Variants in CSMD3 observed in about 807,000 individuals in gnomAD.
The protein encoded by CSMD3 is CUB and sushi domain-containing protein 3.
A neutral mutation model predicts 435.2 loss-of-function variants in CSMD3; 177 were observed. That is an observed-to-expected ratio of 0.41 (90% confidence interval 0.36 to 0.46). CSMD3 has a LOEUF of 0.46. Ranked by LOEUF, CSMD3 falls within the 20% of genes least tolerant of loss-of-function variation. The pLI, the probability that CSMD3 is intolerant of heterozygous loss-of-function variation, is 0.34. For synonymous variants in CSMD3, 1,656 were observed against 1,520.5 expected, an observed-to-expected ratio of 1.09 and a Z score of -2.07; for missense variants, 4,265 against 4,504.6, an observed-to-expected ratio of 0.95 and a Z score of 1.52.
intron 67 of CSMD3, among the ~76,000 whole-genome samples, chr8:112,235,816 T>A (rs527609387): frequency 3.9e-5 from 6 of 152,176 alleles, no homozygotes; most frequent in East Asian, 3.9e-4. Flanking sequence ...ATTGCTACAA[T>A]TGGTTTATAT....
intron 24 of CSMD3, among the ~76,000 whole-genome samples, chr8:112,562,781 T>C (rs1828744883): frequency 1.3e-5 from 2 of 151,732 alleles, no homozygotes; most frequent in Admixed American, 1.3e-4. Flanking sequence ...TATTTTAAAA[T>C]TCTTTATATT....
chr8:112,390,320 A>G (rs752100272), intron 36 of CSMD3, among the ~76,000 whole-genome samples: 8 of 152,176 alleles, frequency 5.3e-5, no homozygotes, highest in Non-Finnish European at 1.2e-4. Flanking sequence ...GAAGGTGTCT[A>G]AGAACTAAAA....
chr8:113,086,780 C>A lies in CSMD3; in HGVS notation c.917+11976G>T, dbSNP rs913839088. Among the ~76,000 whole-genome samples, 2 of 152,054 alleles carry A rather than the reference C, an allele frequency of 1.3e-5. 1 individual carries two copies. The highest frequency in any genetic ancestry group is 2.9e-5 in the Non-Finnish European group (2 of 68,000). ...TGAGTTATATTCTAATCCTCTTTAGCAAATTGGTACTATGATCTGTATTTT... is the reference window on the plus strand; with the variant it reads ...TGAGTTATATTCTAATCCTCTTTAGAAAATTGGTACTATGATCTGTATTTT... On this transcript the variant is annotated intron_variant, in intron 5 of 70. Coordinates refer to ENST00000297405, the MANE Select transcript of CSMD3 (RefSeq NM_198123.2).
intron 9 of CSMD3, among the ~76,000 whole-genome samples, chr8:112,937,357 T>TG (rs1204000801): frequency 2.0e-5 from 3 of 150,400 alleles, no homozygotes; most frequent in African/African-American, 4.9e-5. Context: ...ATAATGTTTT[T>TG]TTTTTTTTTT....
chr8:112,569,758 A>G (rs1213774570), intron 24 of CSMD3, among the ~76,000 whole-genome samples: 1 of 152,148 alleles, frequency 6.6e-6, no homozygotes, highest in African/African-American at 2.4e-5. Context: ...ATTAATCTGA[A>G]TTAGATTATT....
chr8:113,011,842 T>C (rs2086266354), intron 6 of CSMD3, among the ~76,000 whole-genome samples: 1 of 151,818 alleles, frequency 6.6e-6, no homozygotes, highest in Non-Finnish European at 1.5e-5. Flanking sequence ...AGATAGATCA[T>C]TTTGATTATT....
At position 112,886,890 on chromosome 8, in the gene CSMD3, A is replaced by G. The variant is rs750215761; in HGVS notation, c.1634-27624T>C. 3.4e-4 allele frequency among the ~76,000 whole-genome samples: 51 copies of G among 151,744 alleles called. No individual in the cohort carries two copies. The Middle Eastern group carries it at 0.014, about 40-fold the overall frequency. The stretch of plus-strand genomic sequence containing the variant: ...ATTGTTATACTCTCTTGGTTTTTAA[A>G]TATGTATTATTTTTATTATTACATA... On this transcript the variant is annotated intron_variant, in intron 10 of 70. Coordinates refer to ENST00000297405, the MANE Select transcript of CSMD3 (RefSeq NM_198123.2).
intron 1 of CSMD3, among the ~76,000 whole-genome samples, chr8:113,399,078 CAT>C (rs764141337): frequency 0.018 from 1,646 of 90,770 alleles, 34 homozygotes; most frequent in African/African-American, 0.058. Context: ...AAGGATAGTT[CAT>C]ATATATATAT....
intron 3 of CSMD3, among the ~76,000 whole-genome samples, chr8:113,274,866 A>C (rs1265033515): frequency 7.3e-6 from 1 of 136,458 alleles, no homozygotes; most frequent in Non-Finnish European, 1.6e-5. Flanking sequence ...AAAAAAAGGA[A>C]GGAAGCAGGG....
intron 2 of CSMD3, among the ~76,000 whole-genome samples, chr8:113,285,427 A>G (rs1450937744): frequency 6.6e-6 from 1 of 151,896 alleles, no homozygotes; most frequent in Non-Finnish European, 1.5e-5. Context: ...CGCCCAGCTA[A>G]GTTTTTGTTT....
intron 47 of CSMD3, among the ~76,000 whole-genome samples, 167 bp downstream of exon 47, chr8:112,318,670 C>T (rs1822704059): frequency 6.6e-6 from 1 of 151,980 alleles, no homozygotes. Context: ...ATCTGATAAA[C>T]AGTGGACTAT....
chr8:112,581,159 A>C (rs1830309318), intron 23 of CSMD3, among the ~76,000 whole-genome samples: 1 of 152,094 alleles, frequency 6.6e-6, no homozygotes. Flanking sequence ...TCCTGAATTT[A>C]AGTTTTTATT....
intron 33 of CSMD3, 71 bp from the exon 34 acceptor site, chr8:112,408,484 A>G (rs1229255366): frequency 2.2e-6 from 2 of 921,904 alleles, no homozygotes; most frequent in African/African-American, 1.6e-5. Context: ...ATTATATTAT[A>G]ATCTTACACT....
At chr8:113,428,358 A>G (rs751295700) in intron 1 of CSMD3, among the ~76,000 whole-genome samples, 2 of 151,712 alleles carry the variant, frequency 1.3e-5, no homozygotes, top group Non-Finnish European at 3.0e-5. Context: ...TTAATTGGTA[A>G]CTTAGTCATT....
chr8:113,085,740 TGTAGA>T (rs1269542815), intron 5 of CSMD3, among the ~76,000 whole-genome samples: 3 of 152,194 alleles, frequency 2.0e-5, no homozygotes, highest in Non-Finnish European at 2.9e-5. Flanking sequence ...TGCTCATAGA[TGTAGA>T]GTAATTTTAT....
intron 6 of CSMD3, among the ~76,000 whole-genome samples, chr8:112,991,865 G>C (rs2085468816): frequency 6.6e-6 from 1 of 151,794 alleles, no homozygotes; most frequent in Non-Finnish European, 1.5e-5. Flanking sequence ...TGCAAAGTAT[G>C]ATTACTTACA....
At chr8:112,854,685 G>T (rs2080595063) in intron 11 of CSMD3, among the ~76,000 whole-genome samples, 1 of 152,284 alleles carries the variant, frequency 6.6e-6, no homozygotes, top group South Asian at 2.1e-4. Flanking sequence ...ATGGGATCAT[G>T]AAATTTAAAA....
At chr8:113,191,371 T>C (rs1303833765) in intron 3 of CSMD3, among the ~76,000 whole-genome samples, 3 of 151,632 alleles carry the variant, frequency 2.0e-5, no homozygotes, top group Non-Finnish European at 2.9e-5. Context: ...AATAGGCAGT[T>C]TTTCGGCCCA....
chr8:112,761,565 T>C (rs771392285), intron 13 of CSMD3, among the ~76,000 whole-genome samples: 1 of 152,114 alleles, frequency 6.6e-6, no homozygotes, highest in Non-Finnish European at 1.5e-5. Flanking sequence ...TTTGCCAAAA[T>C]TCTGGCTCTT....
Sources: gnomAD v4.1 joint callset for allele counts (sites outside exome capture counted in the v4.1 genomes callset) on GRCh38, gnomAD v4.1.1 for gene constraint, MANE v1.5 for transcripts, NCBI Gene and HGNC (gene_info 2026-07-23, HGNC 2026-07-21) for gene names.